The following XKR6 variants were observed in gnomAD, a reference collection of about 807,000 sequenced individuals.
The protein encoded by XKR6 is XK-related protein 6.
Under a neutral mutation model 56.7 loss-of-function variants are expected in XKR6, and 22 were observed. That is an observed-to-expected ratio of 0.39 (90% CI 0.28 to 0.55). XKR6 has a LOEUF of 0.55. XKR6 is among the 20% of genes least tolerant of loss of function. The probability of loss-of-function intolerance (pLI) is 0.66; values close to 1 mark genes in which losing one functional copy is unlikely to be tolerated. For missense variants in XKR6, 852 were observed against 889.0 expected (o/e 0.96, Z 0.53); for synonymous variants, 524 against 387.8 (o/e 1.35, Z -4.13).
intron 1 of XKR6, among the ~76,000 whole-genome samples, chr8:11,170,132 T>C (rs190852472): frequency 6.6e-6 from 1 of 152,294 alleles, no homozygotes; most frequent in African/African-American, 2.4e-5. Context: ...TTGCTGCCCT[T>C]TGCAGCTCCT....
At chr8:11,021,079 C>T (rs547461405) in intron 1 of XKR6, among the ~76,000 whole-genome samples, 9 of 152,210 alleles carry the variant, frequency 5.9e-5, no homozygotes, top group African/African-American at 1.7e-4. Context: ...CTTTAAGATA[C>T]GTCAAGCCTT....
chr8:11,178,547 A>ATATATATATATATATGTATATATAT (rs1802779230), intron 1 of XKR6, among the ~76,000 whole-genome samples: 2 of 88,502 alleles, frequency 2.3e-5, no homozygotes, highest in African/African-American at 1.2e-4. Flanking sequence ...GAGAGGTAAA[A>ATATATATATATATATGTATATATAT]ATATATATAT....
chr8:11,078,086 A>G (rs142148769), intron 1 of XKR6, among the ~76,000 whole-genome samples: 3 of 152,230 alleles, frequency 2.0e-5, no homozygotes, highest in East Asian at 3.9e-4. Flanking sequence ...CTGGGAAAAC[A>G]TACTCTGCAG....
chr8:11,068,359 C>T (rs1236904657), intron 1 of XKR6, among the ~76,000 whole-genome samples: 2 of 152,160 alleles, frequency 1.3e-5, no homozygotes, highest in Admixed American at 1.3e-4. Context: ...CTGAACATCT[C>T]TCAGTGAGCA....
In XKR6 at chr8:10,964,094, AT is replaced by A. The variant is rs1802142137; in HGVS notation, c.765-39265del. On this transcript the variant is annotated intron_variant, in intron 1 of 2. Transcript: ENST00000416569. ...TACCACTCAAGATCTTGTGCCTCAA[AT>A]GGGCTGTTCAGCTCTGAGAATCTTC... Among the ~76,000 whole-genome samples the A allele has an allele frequency of 2.0e-5, 3 of 152,218 alleles. No homozygotes were observed. The South Asian group carries it at 6.2e-4, about 32-fold the overall frequency.
chr8:11,120,359 C>A (rs918403027), intron 1 of XKR6, among the ~76,000 whole-genome samples: 2 of 152,070 alleles, frequency 1.3e-5, no homozygotes, highest in Non-Finnish European at 2.9e-5. Context: ...AAAATCAATG[C>A]GCAAAAATCA....
Position 11,079,970 on chromosome 8 carries a change from AAAAT to A in XKR6, c.764+120602_764+120605del, listed in dbSNP as rs547619663. Among the ~76,000 whole-genome samples the A allele has an allele frequency of 2.8e-4, 43 of 152,278 alleles. No individual in the cohort carries two copies. The East Asian group carries it at 7.5e-3, about 27-fold the overall frequency. On this transcript the variant is annotated intron_variant, in intron 1 of 2. Coordinates refer to ENST00000416569, the MANE Select transcript of XKR6 (RefSeq NM_173683.4). ...GCAACAGAGTGAGACCTCATCTCAA[AAAAT>A]AAATAAATAAATACATAAATACATA... is the stretch of plus-strand genomic sequence containing the variant.
At chr8:10,962,811 T>TG (rs771076623) in intron 1 of XKR6, among the ~76,000 whole-genome samples, 97 of 152,174 alleles carry the variant, frequency 6.4e-4, no homozygotes, top group Non-Finnish European at 1.1e-3. Flanking sequence ...TTAGTAGAGA[T>TG]GGGGTCTCAC....
At chr8:11,123,331 C>T (rs1799551155) in intron 1 of XKR6, 1 of 152,062 alleles carries the variant, frequency 6.6e-6, no homozygotes, top group African/African-American at 2.4e-5. Flanking sequence ...CAACAACAAT[C>T]TGGTTATGGA....
chr8:11,061,671 G>A (rs1563111321), intron 1 of XKR6, among the ~76,000 whole-genome samples: 1 of 152,066 alleles, frequency 6.6e-6, no homozygotes, highest in Non-Finnish European at 1.5e-5. Context: ...CATGTCCTGG[G>A]GGCTGTGAAA....
intron 1 of XKR6, among the ~76,000 whole-genome samples, chr8:11,132,130 T>C (rs1800133756): frequency 6.6e-6 from 1 of 152,008 alleles, no homozygotes; most frequent in Non-Finnish European, 1.5e-5. Flanking sequence ...CGCCCTAAAA[T>C]TTGCATTCCT....
intron 1 of XKR6, among the ~76,000 whole-genome samples, chr8:11,080,581 C>G (rs1161200733): frequency 2.2e-5 from 1 of 45,866 alleles, no homozygotes; most frequent in Non-Finnish European, 4.0e-5. Context: ...ATCACAGTGA[C>G]AGTCTGGGCA....
intron 2 of XKR6, among the ~76,000 whole-genome samples, chr8:10,912,714 TAGAG>T (rs1395242770): frequency 5.2e-5 from 7 of 134,226 alleles, no homozygotes; most frequent in African/African-American, 8.7e-5. Context: ...TATACACACA[TAGAG>T]AGAATGAGTG....
intron 1 of XKR6, among the ~76,000 whole-genome samples, chr8:11,058,933 A>C (rs998521773): frequency 6.6e-6 from 1 of 152,252 alleles, no homozygotes; most frequent in Non-Finnish European, 1.5e-5. Context: ...ACAAATGCAC[A>C]TTGTTCTTAA....
intron 1 of XKR6, among the ~76,000 whole-genome samples, chr8:10,930,378 G>C (rs554155624): frequency 1.3e-5 from 2 of 152,084 alleles, no homozygotes; most frequent in Admixed American, 1.3e-4. Context: ...AAACAGAGTA[G>C]AAATTGCACC....
chr8:11,187,413 C>A (rs890914047), intron 1 of XKR6, among the ~76,000 whole-genome samples: 1 of 152,174 alleles, frequency 6.6e-6, no homozygotes, highest in Non-Finnish European at 1.5e-5. Flanking sequence ...GTGACACCAT[C>A]GCTGATTCAA....
At chr8:10,976,517 G>T (rs1221926098) in intron 1 of XKR6, among the ~76,000 whole-genome samples, 2 of 152,200 alleles carry the variant, frequency 1.3e-5, no homozygotes, top group Admixed American at 6.5e-5. Flanking sequence ...TGGTGTTAGG[G>T]CTCCCTGTGC....
intron 1 of XKR6, among the ~76,000 whole-genome samples, chr8:11,068,576 TGCTTCAGGCA>T (rs1800038917): frequency 1.3e-5 from 2 of 152,120 alleles, no homozygotes; most frequent in South Asian, 2.1e-4. Context: ...AGAAAGCTAC[TGCTTCAGGCA>T]GCCTGGGATG....
chr8:10,976,056 G>C (rs1586379858), intron 1 of XKR6, among the ~76,000 whole-genome samples: 1 of 152,080 alleles, frequency 6.6e-6, no homozygotes, highest in East Asian at 1.9e-4. Context: ...GGCGCCTGTA[G>C]TCCCAGCTAC....
Sources: allele counts gnomAD v4.1 joint callset (sites outside exome capture counted in the v4.1 genomes callset), GRCh38; gene constraint gnomAD v4.1.1; transcripts MANE v1.5; gene names NCBI Gene and HGNC (gene_info 2026-07-23, HGNC 2026-07-21).